Variants in PES1 observed in about 807,000 individuals in gnomAD.
PES1 encodes the protein pescadillo homolog.
Under a neutral mutation model 77.1 loss-of-function variants are expected in PES1, and 31 were observed. That is an observed-to-expected ratio of 0.40 (90% CI 0.30 to 0.54). The LOEUF (loss-of-function observed/expected upper bound fraction) is 0.54, where lower values mean the gene tolerates loss of function less well. PES1 is among the 20% of genes least tolerant of loss of function. PES1 has a pLI of 0.45. For synonymous variants in PES1, 282 were observed against 303.0 expected, an observed-to-expected ratio of 0.93 and a Z score of 0.72; for missense variants, 658 against 771.7, an observed-to-expected ratio of 0.85 and a Z score of 1.75.
At chr22:30,582,806 T>A (rs916666688) in intron 6 of PES1, among the ~76,000 whole-genome samples, 3 of 152,150 alleles carry the variant, frequency 2.0e-5, no homozygotes, top group Non-Finnish European at 4.4e-5. Context: ...GACAGGCACA[T>A]CTGGGGACCA....
chr22:30,588,630 A>C (rs2087129345), intron 2 of PES1, among the ~76,000 whole-genome samples: 1 of 152,028 alleles, frequency 6.6e-6, no homozygotes, highest in South Asian at 2.1e-4. Context: ...AAAAAATACA[A>C]ACATTAGCCA....
At chr22:30,592,107 G>A, upstream of PES1, 2 of 1,280,394 alleles carry the variant, frequency 1.6e-6, no homozygotes, top group South Asian at 2.5e-5. Flanking sequence ...AACAAACGTG[G>A]ATATACAGGC....
chr22:30,584,823 T>A, intron 4 of PES1, 106 bp from the exon 5 acceptor site: 1 of 1,148,294 alleles, frequency 8.7e-7, no homozygotes, highest in Non-Finnish European at 1.2e-6. Context: ...AAGCCAGGCC[T>A]CACCACTGCC....
In PES1 at chr22:30,580,087, C is replaced by T; in HGVS notation, c.1135G>A (p.Asp379Asn). 2 of 1,614,150 alleles carry T rather than the reference C, an allele frequency of 1.2e-6. No homozygotes were observed. The highest frequency in any genetic ancestry group is 1.3e-5 in the African/African-American group (1 of 75,056). ...ACTGAGGTCTGCTGCCCAGGCCGGT[C>T]GACAATCTGATGGGTGATGCGGGAG... ...TDSRITHQIV[D>N]RPGQQTSVIG... Residue 379 changes from aspartate to asparagine, a missense_variant, in exon 11 of 15, where the codon GAC (aspartate) becomes AAC (asparagine). By Grantham distance (23) the Asp-to-Asn change is conservative. Coordinates refer to ENST00000354694, the MANE Select transcript of PES1 (RefSeq NM_014303.4).
chr22:30,579,041 A>G (rs1216046974), intron 13 of PES1, 43 bp from the exon 14 acceptor site: 1 of 1,603,708 alleles, frequency 6.2e-7, no homozygotes, highest in Non-Finnish European at 8.5e-7. Context: ...GGTTCTCCCG[A>G]CCTCCACAGT....
upstream of PES1, among the ~76,000 whole-genome samples, chr22:30,593,640 G>A (rs1355632083): frequency 6.6e-6 from 1 of 152,140 alleles, no homozygotes. Context: ...CACCTAGCTC[G>A]TCCTGCACAG....
chr22:30,603,235 A>G lies in PES1; in HGVS notation c.-661+2226T>C, dbSNP rs184405469. 2.4e-3 allele frequency among the ~76,000 whole-genome samples: 370 copies of G among 152,168 alleles called. 3 individuals carry two copies. Among genetic ancestry groups the G allele is most frequent in the African/African-American group, 8.7e-3 (363 of 41,510 alleles). ...CACTTGAAAGTAATTTTAAACTCAC[A>G]GGCCCCCTAAAAGGTTCTTGGAGAC... On this transcript the variant is annotated intron_variant, in intron 2 of 16. Coordinates refer to the PES1 transcript ENST00000402281.
At chr22:30,598,974 G>GC (rs1467759617) in intron 2 of PES1, among the ~76,000 whole-genome samples, 2 of 118,180 alleles carry the variant, frequency 1.7e-5, no homozygotes, top group Non-Finnish European at 3.3e-5. Flanking sequence ...TTGGCTCACT[G>GC]CAACCTCCGT....
At chr22:30,599,162 G>T (rs1201134089) in intron 2 of PES1, among the ~76,000 whole-genome samples, 1 of 152,010 alleles carries the variant, frequency 6.6e-6, no homozygotes, top group Non-Finnish European at 1.5e-5. Flanking sequence ...ATCCCAAAGT[G>T]CTGGGATTAC....
intron 14 of PES1, among the ~76,000 whole-genome samples, chr22:30,577,671 T>C (rs5997690): frequency 6.6e-6 from 1 of 151,360 alleles, no homozygotes; most frequent in Non-Finnish European, 1.5e-5. Flanking sequence ...TTTTTTTTTT[T>C]GGGGGGTAGA....
At chr22:30,592,996 C>A (rs980270160), upstream of PES1, among the ~76,000 whole-genome samples, 6 of 150,950 alleles carry the variant, frequency 4.0e-5, no homozygotes, top group Admixed American at 1.3e-4. Flanking sequence ...TCCCTTTTTC[C>A]AAATTCCAAA....
upstream of PES1, among the ~76,000 whole-genome samples, chr22:30,596,029 C>T (rs535782339): frequency 9.9e-5 from 15 of 152,212 alleles, no homozygotes; most frequent in East Asian, 7.7e-4. Context: ...TTTTTTGGGA[C>T]GCTAGCTGGC....
At chr22:30,585,192 T>C (rs746657545) in intron 4 of PES1, 1 of 455,630 alleles carries the variant, frequency 2.2e-6, no homozygotes, top group South Asian at 1.6e-5. Context: ...TGGCCACCGG[T>C]CGCCAGCGTA....
intron 4 of PES1, chr22:30,586,904 G>C (rs1282349064): frequency 1.7e-5 from 3 of 181,156 alleles, no homozygotes; most frequent in African/African-American, 7.1e-5. Context: ...AACTGAGTCT[G>C]AGAAGGCTGG....
At chr22:30,600,385 T>C (rs2087337122) in intron 2 of PES1, among the ~76,000 whole-genome samples, 2 of 151,904 alleles carry the variant, frequency 1.3e-5, no homozygotes, top group African/African-American at 4.8e-5. Flanking sequence ...TTATATAACA[T>C]AGATAAAGAA....
chr22:30,593,441 T>G (rs2087211832), upstream of PES1, among the ~76,000 whole-genome samples: 1 of 151,772 alleles, frequency 6.6e-6, no homozygotes, highest in South Asian at 2.1e-4. Context: ...GAGCCAAGAT[T>G]GTGCCACTGC....
intron 2 of PES1, among the ~76,000 whole-genome samples, chr22:30,605,016 C>T (rs1357033498): frequency 6.6e-6 from 1 of 152,096 alleles, no homozygotes; most frequent in Non-Finnish European, 1.5e-5. Context: ...ATTTTTAGGA[C>T]AGGGTCTCCT....
chr22:30,598,854 A>G (rs71331251), intron 2 of PES1, among the ~76,000 whole-genome samples: 10,039 of 114,036 alleles, frequency 0.088, 407 homozygotes, highest in Non-Finnish European at 0.12. Flanking sequence ...AAGCCCAAAT[A>G]TATTTTTCAA....
chr22:30,591,228 A>G (rs1487883130), intron 1 of PES1, among the ~76,000 whole-genome samples: 1 of 152,164 alleles, frequency 6.6e-6, no homozygotes, highest in Non-Finnish European at 1.5e-5. Context: ...GTCCAACCCC[A>G]ATCTTATCAG....
Sources: gnomAD v4.1 joint callset for allele counts (sites outside exome capture counted in the v4.1 genomes callset) on GRCh38, gnomAD v4.1.1 for gene constraint, MANE v1.5 for transcripts, NCBI Gene and HGNC (gene_info 2026-07-23, HGNC 2026-07-21) for gene names.